The following WWTR1 variants were observed in gnomAD, a reference collection of about 807,000 sequenced individuals.
The protein encoded by WWTR1 is WW domain containing transcription regulator 1, also known as WW domain-containing transcription regulator protein 1.
In WWTR1, 13 loss-of-function variants were observed where a neutral mutation model predicts 40.1. The observed-to-expected ratio is 0.32, with a 90% CI of 0.21 to 0.52. The LOEUF (loss-of-function observed/expected upper bound fraction) is 0.52, where lower values mean the gene tolerates loss of function less well. Among genes scored for constraint, WWTR1 ranks in the 20% least tolerant of loss-of-function variants. The pLI is 0.97. For synonymous variants in WWTR1, 230 were observed against 210.1 expected (o/e 1.09, Z -0.82); for missense variants, 436 against 523.1 (o/e 0.83, Z 1.63).
At chr3:149,709,765 G>A (rs1165437216) in intron 5 of WWTR1, among the ~76,000 whole-genome samples, 1 of 152,118 alleles carries the variant, frequency 6.6e-6, no homozygotes, top group Non-Finnish European at 1.5e-5. Flanking sequence ...TTAGCCGGGT[G>A]TGGTGGAACA....
At chr3:149,548,937 T>C (rs1001991826) in intron 3 of WWTR1, among the ~76,000 whole-genome samples, 1 of 152,172 alleles carries the variant, frequency 6.6e-6, no homozygotes, top group African/African-American at 2.4e-5. Context: ...AGCACCTATT[T>C]CCTAACAGTA....
At chr3:149,697,128 C>T (rs746673157) in intron 1 of WWTR1, among the ~76,000 whole-genome samples, 29 of 152,128 alleles carry the variant, frequency 1.9e-4, no homozygotes, top group Non-Finnish European at 2.9e-4. Flanking sequence ...ATACCTAAGG[C>T]TGGGGAATTT....
At position 149,597,821 on chromosome 3, in the gene WWTR1, C is replaced by T. The variant is rs537994989; in HGVS notation, c.432-24821G>A. Among the ~76,000 whole-genome samples the T allele has an allele frequency of 6.6e-5, 10 of 152,168 alleles. No homozygotes were observed. In the South Asian group the frequency reaches 1.9e-3, roughly 28 times the overall value. ...ACTTCGTGCCACTGAAAGTGTAGGC[C>T]GAATCCTTTTTTTGTTTGGTTTGCT... On this transcript the variant is annotated intron_variant, in intron 2 of 6. Transcript: ENST00000360632.
At chr3:149,600,326 A>G (rs1355471818) in intron 2 of WWTR1, among the ~76,000 whole-genome samples, 1 of 152,210 alleles carries the variant, frequency 6.6e-6, no homozygotes, top group African/African-American at 2.4e-5. Context: ...ACAGTCCCCG[A>G]TGGGAATATA....
intron 6 of WWTR1, chr3:149,525,627 G>T (rs1051687912): frequency 1.3e-5 from 2 of 152,662 alleles, no homozygotes; most frequent in African/African-American, 4.8e-5. Flanking sequence ...AAATTGAGAT[G>T]ACCGTACTCG....
At chr3:149,672,028 A>T (rs1278114749) in intron 1 of WWTR1, among the ~76,000 whole-genome samples, 1 of 152,068 alleles carries the variant, frequency 6.6e-6, no homozygotes, top group Non-Finnish European at 1.5e-5. Flanking sequence ...CTTTCATCTT[A>T]TGGCTTCCCT....
At chr3:149,616,315 C>G (rs1357864827) in intron 2 of WWTR1, among the ~76,000 whole-genome samples, 1 of 152,080 alleles carries the variant, frequency 6.6e-6, no homozygotes, top group East Asian at 1.9e-4. Context: ...AAAATTTGAC[C>G]CTATCTTTAA....
intron 1 of WWTR1, 87 bp downstream of exon 1, chr3:149,657,678 C>T (rs967277174): frequency 3.7e-5 from 7 of 191,692 alleles, no homozygotes; most frequent in Non-Finnish European, 5.3e-5. Flanking sequence ...CCCGAGCCAA[C>T]TCCACCACGT....
chr3:149,661,720 G>A (rs187393670), upstream of WWTR1, among the ~76,000 whole-genome samples: 390 of 149,954 alleles, frequency 2.6e-3, 1 homozygote, highest in African/African-American at 9.4e-3. Flanking sequence ...CACCATGCCC[G>A]GCCACAAATA....
intron 3 of WWTR1, among the ~76,000 whole-genome samples, chr3:149,567,235 G>A (rs951503874): frequency 1.3e-5 from 2 of 151,870 alleles, no homozygotes; most frequent in African/African-American, 4.8e-5. Context: ...CTTTCTTTTG[G>A]TAAAAACATT....
At chr3:149,681,522 C>G (rs1250748661) in intron 1 of WWTR1, among the ~76,000 whole-genome samples, 3 of 152,138 alleles carry the variant, frequency 2.0e-5, no homozygotes, top group Non-Finnish European at 2.9e-5. Flanking sequence ...ATTTTAAAAT[C>G]AGGTGTTAGT....
At chr3:149,676,803 T>G (rs1714275402) in intron 1 of WWTR1, among the ~76,000 whole-genome samples, 3 of 152,010 alleles carry the variant, frequency 2.0e-5, no homozygotes, top group Admixed American at 2.0e-4. Context: ...GTGTGCATGC[T>G]TTTCAATAGT....
chr3:149,622,446 AAAGAAAGGAAGGAAGG>A (rs1740322570), intron 2 of WWTR1, among the ~76,000 whole-genome samples: 1 of 118,338 alleles, frequency 8.5e-6, no homozygotes, highest in African/African-American at 3.2e-5. Flanking sequence ...TCCCAGAAAG[AAAGAAAGGAAGGAAGG>A]AAGGAAGGAA....
intron 2 of WWTR1, among the ~76,000 whole-genome samples, chr3:149,604,740 G>A (rs530777067): frequency 1.6e-4 from 24 of 152,348 alleles, no homozygotes; most frequent in Middle Eastern, 6.8e-3. Context: ...CTGCTGAAGC[G>A]GTACTGGCCC....
At chr3:149,654,651 C>CA (rs5853432) in intron 2 of WWTR1, among the ~76,000 whole-genome samples, 13,113 of 152,210 alleles carry the variant, frequency 0.086, 1,462 homozygotes, top group African/African-American at 0.26. Flanking sequence ...TCCAATCATT[C>CA]AAAACACAAT....
intron 2 of WWTR1, among the ~76,000 whole-genome samples, chr3:149,642,291 A>G (rs796643621): frequency 2.5e-4 from 38 of 151,820 alleles, no homozygotes; most frequent in African/African-American, 8.5e-4. Context: ...GTGGTGGCCC[A>G]TGCCTGTAAT....
intron 2 of WWTR1, among the ~76,000 whole-genome samples, chr3:149,608,040 G>A (rs1331903605): frequency 1.3e-5 from 2 of 152,110 alleles, no homozygotes; most frequent in Non-Finnish European, 2.9e-5. Context: ...AGGTACTCAA[G>A]AACTATTTGT....
At chr3:149,631,040 A>G (rs1429446589) in intron 2 of WWTR1, among the ~76,000 whole-genome samples, 1 of 152,198 alleles carries the variant, frequency 6.6e-6, no homozygotes, top group African/African-American at 2.4e-5. Flanking sequence ...CAGCCTGGAA[A>G]TGTTGACCTT....
At chr3:149,531,309 T>C (rs914175229) in intron 4 of WWTR1, among the ~76,000 whole-genome samples, 4 of 152,224 alleles carry the variant, frequency 2.6e-5, no homozygotes, top group African/African-American at 9.6e-5. Context: ...ACACTTTGTC[T>C]AAGATTATTC....
Sources: gnomAD v4.1 joint callset for allele counts (sites outside exome capture counted in the v4.1 genomes callset) on GRCh38, gnomAD v4.1.1 for gene constraint, MANE v1.5 for transcripts, NCBI Gene and HGNC (gene_info 2026-07-23, HGNC 2026-07-21) for gene names.